Variants in ENPEP observed in about 807,000 individuals in gnomAD.
The protein encoded by ENPEP is AP-A.
ENPEP carries 103 observed loss-of-function variants against 114.5 expected under a neutral mutation model. That is an observed-to-expected ratio of 0.90 (90% CI 0.77 to 1.06). The LOEUF (loss-of-function observed/expected upper bound fraction) is 1.06, where lower values mean the gene tolerates loss of function less well. ENPEP is among the 50% of genes least tolerant of loss of function. The pLI, the probability that ENPEP is intolerant of heterozygous loss-of-function variation, is 0.00. For missense variants in ENPEP, 1,196 were observed against 1,161.3 expected (o/e 1.03, Z -0.43); for synonymous variants, 420 against 422.0 (o/e 1.00, Z 0.06).
chr4:110,492,128 G>A (rs1724747893), intron 3 of ENPEP, among the ~76,000 whole-genome samples: 1 of 152,006 alleles, frequency 6.6e-6, no homozygotes, highest in Non-Finnish European at 1.5e-5. Context: ...TGTCTAGTAA[G>A]CCAGTTAATT....
At chr4:110,491,549 G>C (rs1474710052) in intron 3 of ENPEP, among the ~76,000 whole-genome samples, 1 of 152,036 alleles carries the variant, frequency 6.6e-6, no homozygotes, top group African/African-American at 2.4e-5. Flanking sequence ...TGAGGTAAAG[G>C]AACATCCTTC....
intron 1 of ENPEP, among the ~76,000 whole-genome samples, chr4:110,485,169 C>G (rs1028234013): frequency 6.6e-6 from 1 of 152,190 alleles, no homozygotes; most frequent in Non-Finnish European, 1.5e-5. Flanking sequence ...GTCTGATATA[C>G]TTGCAATTAA....
chr4:110,553,896 C>A (rs755628497), intron 18 of ENPEP, among the ~76,000 whole-genome samples: 1 of 151,996 alleles, frequency 6.6e-6, no homozygotes, highest in African/African-American at 2.4e-5. Flanking sequence ...CTATCCTGAC[C>A]AGATAATGAA....
At chr4:110,528,878 G>T (rs1453682913) in intron 10 of ENPEP, among the ~76,000 whole-genome samples, 1 of 152,174 alleles carries the variant, frequency 6.6e-6, no homozygotes, top group African/African-American at 2.4e-5. Context: ...ACTCCTGAAT[G>T]TTAGCCAATA....
chr4:110,515,954 A>C (rs959202890), intron 8 of ENPEP: 27 of 322,080 alleles, frequency 8.4e-5, no homozygotes, highest in Non-Finnish European at 1.6e-4. Context: ...CCACCATAAG[A>C]GTCCCAGCCT....
chr4:110,509,901 A>G (rs1725513094), intron 5 of ENPEP, 94 bp downstream of exon 5: 6 of 1,447,670 alleles, frequency 4.1e-6, no homozygotes, highest in Non-Finnish European at 4.6e-6. Flanking sequence ...CAAATAAAAA[A>G]TAGCCAACTC....
intron 11 of ENPEP, among the ~76,000 whole-genome samples, chr4:110,536,232 A>T (rs932557455): frequency 1.3e-5 from 2 of 151,938 alleles, no homozygotes; most frequent in African/African-American, 4.8e-5. Context: ...TAATTATTGC[A>T]CTTTAGAAAC....
At chr4:110,516,396 C>T (rs562150115) in intron 8 of ENPEP, among the ~76,000 whole-genome samples, 36 of 152,186 alleles carry the variant, frequency 2.4e-4, no homozygotes, top group African/African-American at 8.7e-4. Context: ...CTATAACTGC[C>T]GTCTCTGCAG....
chr4:110,491,570 G>T (rs1174543165), intron 3 of ENPEP, among the ~76,000 whole-genome samples: 3 of 152,042 alleles, frequency 2.0e-5, no homozygotes, highest in African/African-American at 7.2e-5. Flanking sequence ...GAATGACAAG[G>T]CACTGAAAAG....
chr4:110,476,180 T>G lies in ENPEP; in HGVS notation c.-235T>G, dbSNP rs765939558. ...GCCAGCCCTCTTCCTCCCACTCGGCTCCTCTTACGGAGTCCTCATTCCACC... is the reference window on the plus strand; with the variant it reads ...GCCAGCCCTCTTCCTCCCACTCGGCGCCTCTTACGGAGTCCTCATTCCACC... On this transcript the variant is annotated 5_prime_UTR_variant, in exon 1 of 20. Transcript: ENST00000265162. The G allele has an allele frequency of 6.7e-6, 3 of 450,854 alleles. No individual in the cohort carries two copies. The highest frequency in any genetic ancestry group is 1.9e-5 in the African/African-American group (1 of 51,310). 27.9% of individuals were successfully genotyped at this position (450,854 alleles called of 1,614,324 possible).
At chr4:110,496,024 A>G (rs1724923126) in intron 3 of ENPEP, among the ~76,000 whole-genome samples, 7 of 152,220 alleles carry the variant, frequency 4.6e-5, no homozygotes. Flanking sequence ...ATTCTAATAT[A>G]TCAGTAGAAG....
At chr4:110,542,915 T>C in intron 12 of ENPEP, 28 bp downstream of exon 12, 1 of 1,610,610 alleles carries the variant, frequency 6.2e-7, no homozygotes, top group Non-Finnish European at 8.5e-7. Context: ...TTGGAAACTT[T>C]TATTTTTGTT....
chr4:110,557,943 T>C (rs568622334), intron 18 of ENPEP, among the ~76,000 whole-genome samples: 17 of 151,800 alleles, frequency 1.1e-4, no homozygotes, highest in Admixed American at 1.1e-3. Flanking sequence ...AAGGGTTCTT[T>C]ATATGGCAAA....
At chr4:110,538,402 G>C (rs1726724106) in intron 11 of ENPEP, among the ~76,000 whole-genome samples, 2 of 152,184 alleles carry the variant, frequency 1.3e-5, no homozygotes, top group Non-Finnish European at 2.9e-5. Context: ...ACCTTTGCTA[G>C]CTTCCAGCTT....
intron 11 of ENPEP, among the ~76,000 whole-genome samples, chr4:110,542,328 T>TC (rs1726879761): frequency 6.6e-6 from 1 of 152,040 alleles, no homozygotes. Flanking sequence ...TTGTATCCCC[T>TC]CCCCAGGCTG....
At chr4:110,481,367 G>A (rs1275243622) in intron 1 of ENPEP, among the ~76,000 whole-genome samples, 1 of 151,842 alleles carries the variant, frequency 6.6e-6, no homozygotes, top group African/African-American at 2.4e-5. Context: ...GAGTAGCTGG[G>A]ATTACAGGGT....
intron 10 of ENPEP, 134 bp from the exon 11 acceptor site, chr4:110,531,064 T>C (rs902650574): frequency 1.3e-5 from 5 of 394,022 alleles, no homozygotes; most frequent in African/African-American, 6.2e-5. Context: ...ATTAACTACA[T>C]TAATTGTGTA....
intron 18 of ENPEP, 52 bp downstream of exon 18, chr4:110,553,507 T>C (rs1273565228): frequency 1.3e-6 from 2 of 1,513,884 alleles, no homozygotes; most frequent in Non-Finnish European, 8.9e-7. Context: ...TACTATCTAC[T>C]GGTTCCTTCA....
intron 19 of ENPEP, among the ~76,000 whole-genome samples, chr4:110,559,967 T>C (rs906105971): frequency 6.6e-6 from 1 of 152,050 alleles, no homozygotes; most frequent in Admixed American, 6.6e-5. Flanking sequence ...TGACAGGCCC[T>C]GGTGTGTGAT....
Sources: allele counts gnomAD v4.1 joint callset (sites outside exome capture counted in the v4.1 genomes callset), GRCh38; gene constraint gnomAD v4.1.1; transcripts MANE v1.5; gene names NCBI Gene and HGNC (gene_info 2026-07-23, HGNC 2026-07-21).